Variants in PKD1L1 observed in about 807,000 individuals in gnomAD.
PKD1L1 encodes polycystin-1-like protein 1.
In PKD1L1, 236 loss-of-function variants were observed where a neutral mutation model predicts 323.4. The observed-to-expected ratio is 0.73, with a 90% CI of 0.66 to 0.81. The LOEUF (loss-of-function observed/expected upper bound fraction) is 0.81, where lower values mean the gene tolerates loss of function less well. PKD1L1 is among the 40% of genes least tolerant of loss of function. The pLI is 0.00. For missense variants in PKD1L1, 3,320 were observed against 3,508.0 expected (o/e 0.95, Z 1.35); for synonymous variants, 1,344 against 1,335.0 (o/e 1.01, Z -0.15).
At chr7:47,826,260 G>A (rs900243853) in intron 45 of PKD1L1, among the ~76,000 whole-genome samples, 23 of 152,258 alleles carry the variant, frequency 1.5e-4, no homozygotes, top group African/African-American at 5.3e-4. Context: ...TGCCTTTGGA[G>A]GTGTGTGTGG....
rs1784706790 is a variant in PKD1L1 at position 47,803,304 on chromosome 7, G to A, written c.7868C>T (p.Thr2623Ile). 6.2e-7 allele frequency: 1 copy of A among 1,614,140 alleles called. No individual in the cohort carries two copies. Among genetic ancestry groups the A allele is most frequent in the Non-Finnish European group, 8.5e-7 (1 of 1,180,026 alleles). ...GCCAGGAAGATAGACGCATTTTAAT[G>A]TGAAGAGGAATAAGAGGATTCCCCG... ...WLRGILLFLF[T>I]LKCVYLPGIQ... The change falls in exon 53 of 57, where the codon ACA (threonine) becomes ATA (isoleucine). Residue 2623 changes from threonine (T) to isoleucine (I), a missense_variant. Physicochemically the swap from Thr to Ile is moderately conservative, Grantham distance 89 (BLOSUM62 -1). Coordinates refer to ENST00000289672, the MANE Select transcript of PKD1L1 (RefSeq NM_138295.5).
In PKD1L1 at chr7:47,827,430, C is replaced by T. The variant is rs1228111037; in HGVS notation, c.6774G>A (p.Trp2258Ter). 6 of 1,612,770 alleles carry T rather than the reference C, an allele frequency of 3.7e-6. No homozygotes were observed. Among genetic ancestry groups the T allele is most frequent in the Non-Finnish European group, 4.2e-6 (5 of 1,179,784 alleles). Reference sequence around the variant, plus strand: ...GCTGGGCCTTGGATGGTGGATGCGCCCAGCGCAGGTGGCGAGCTTGTTGTC... The same window carrying T: ...GCTGGGCCTTGGATGGTGGATGCGCTCAGCGCAGGTGGCGAGCTTGTTGTC... The part of the protein sequence containing the change: ...AARQQARHLR[W>*]AHPPSKAQLR... Residue 2258 changes from tryptophan to a stop codon, truncating the protein, a stop_gained, in exon 45 of 57, where the codon TGG becomes TGA. Coordinates refer to ENST00000289672, the MANE Select transcript of PKD1L1 (RefSeq NM_138295.5). LOFTEE classifies it high-confidence loss of function.
chr7:47,931,878 A>C, intron 5 of PKD1L1, 58 bp downstream of exon 5: 1 of 1,573,290 alleles, frequency 6.4e-7, no homozygotes, highest in Non-Finnish European at 8.7e-7. Context: ...CCCCATATGC[A>C]TCAGATGCTC....
At chr7:47,816,017 C>T (rs1011350611) in intron 46 of PKD1L1, among the ~76,000 whole-genome samples, 1 of 152,180 alleles carries the variant, frequency 6.6e-6, no homozygotes, top group Non-Finnish European at 1.5e-5. Flanking sequence ...ACGGCGAGGG[C>T]TTCCGCAAGC....
chr7:47,880,247 GATATATATATATATATACATAT>G lies in PKD1L1; in HGVS notation c.3520+459_3520+480del, dbSNP rs1367825985. 1.6e-3 allele frequency among the ~76,000 whole-genome samples: 159 copies of G among 98,056 alleles called. 1 individual carries two copies. Among genetic ancestry groups the G allele is most frequent in the East Asian group, 3.1e-3 (13 of 4,150 alleles). 64.3% of individuals were successfully genotyped at this position (98,056 alleles called of 152,430 possible). ...TTGTGCAGTTGTCTAGCATAAATAA[GATATATATATATATATACATAT>G]ATATATATATATATATTTTTTTTTT... On this transcript the variant is annotated intron_variant, in intron 21 of 56. Coordinates refer to ENST00000289672, the MANE Select transcript of PKD1L1 (RefSeq NM_138295.5).
chr7:47,905,331 G>T lies in PKD1L1; in HGVS notation c.1523-6C>A. On this transcript the variant is annotated splice_region_variant and splice_polypyrimidine_tract_variant and intron_variant, in intron 10 of 56. Transcript: ENST00000289672. ...ATTTGTGTAGACAGAGACGGCTGTG[G>T]CAAAAGAAAGGAAGGTATGTCTATG... 6.2e-7 allele frequency: 1 copy of T among 1,612,886 alleles called. No individual in the cohort carries two copies.
intron 56 of PKD1L1, among the ~76,000 whole-genome samples, chr7:47,782,003 T>C (rs945281984): frequency 6.6e-6 from 1 of 152,226 alleles, no homozygotes; most frequent in African/African-American, 2.4e-5. Context: ...GGGATCTCTA[T>C]TCCTGGGATC....
chr7:47,786,077 T>G (rs1267671897), intron 56 of PKD1L1, among the ~76,000 whole-genome samples: 1 of 152,186 alleles, frequency 6.6e-6, no homozygotes, highest in Non-Finnish European at 1.5e-5. Context: ...CTAGCCTGTT[T>G]CTTCCTCAAG....
rs574405708 is a variant in PKD1L1, at chr7:47,781,419, T to G, written c.8527-6253A>C. 2.1e-3 allele frequency among the ~76,000 whole-genome samples: 292 copies of G among 138,844 alleles called. 3 individuals are homozygous for G. The Middle Eastern group carries it at 0.051, about 24-fold the overall frequency. The allele number at this position is 138,844 out of a possible 152,430, so 91.1% of individuals were successfully genotyped here. On this transcript the variant is annotated intron_variant, in intron 56 of 56. Coordinates refer to ENST00000289672, the MANE Select transcript of PKD1L1 (RefSeq NM_138295.5). ...TTTTTGTTTTGTTTTGTTTTTTTTT[T>G]TTTTTTTGAGACAGAGTCTCACTCT...
At chr7:47,813,446 C>A (rs771404180) in intron 48 of PKD1L1, 153 bp from the exon 49 acceptor site, 1 of 853,028 alleles carries the variant, frequency 1.2e-6, no homozygotes, top group Non-Finnish European at 1.9e-6. Flanking sequence ...CAGCCTGTTT[C>A]GTGGTCTACA....
the PKD1L1 span, among the ~76,000 whole-genome samples, chr7:47,959,537 G>A: frequency 2.8e-5 from 4 of 144,520 alleles, no homozygotes; most frequent in South Asian, 2.2e-4. Flanking sequence ...GGTGAGGAGC[G>A]TCTCTGCCCA....
intron 15 of PKD1L1, among the ~76,000 whole-genome samples, chr7:47,892,801 C>T (rs752513273): frequency 1.3e-5 from 2 of 151,814 alleles, no homozygotes; most frequent in Non-Finnish European, 2.9e-5. Flanking sequence ...GGAGATCTTA[C>T]GGAGATGAGC....
intron 3 of PKD1L1, among the ~76,000 whole-genome samples, chr7:47,939,033 T>C (rs1787931261): frequency 1.3e-5 from 2 of 152,242 alleles, no homozygotes; most frequent in Admixed American, 1.3e-4. Flanking sequence ...TGTATGTGGC[T>C]ATTTACATTG....
rs1784962673 is a variant in PKD1L1, at chr7:47,814,030, AG to A, written c.7090-17del. 6.2e-7 allele frequency: 1 copy of A among 1,608,826 alleles called. No individual in the cohort carries two copies. The highest frequency in any genetic ancestry group is 1.3e-5 in the African/African-American group (1 of 74,852). ...GAGCTCCAGGCTGAAAGGAGAAAAA[AG>A]ATGATGAGGACTGGGTGTGCTGTGG... On this transcript the variant is annotated splice_polypyrimidine_tract_variant and intron_variant, in intron 47 of 56. Coordinates refer to ENST00000289672, the MANE Select transcript of PKD1L1 (RefSeq NM_138295.5).
At chr7:47,830,694 A>G (rs1785329185) in intron 42 of PKD1L1, among the ~76,000 whole-genome samples, 1 of 151,856 alleles carries the variant, frequency 6.6e-6, no homozygotes. Context: ...CTTTGAGGCT[A>G]CTCTTTGTGG....
At chr7:47,802,629 C>A (rs1221343988) in intron 53 of PKD1L1, among the ~76,000 whole-genome samples, 1 of 152,228 alleles carries the variant, frequency 6.6e-6, no homozygotes. Context: ...GTACTAGGGC[C>A]TGTCAGGTTG....
In PKD1L1 at chr7:47,792,740, C is replaced by G. The variant is rs1451581187; in HGVS notation, c.8413G>C (p.Gly2805Arg). Residue 2805 changes from glycine (G) to arginine (R), a missense_variant, in exon 56 of 57, where the codon GGT becomes CGT. Coordinates refer to ENST00000289672, the MANE Select transcript of PKD1L1 (RefSeq NM_138295.5). ...GGGAGTTGTAGGCTGTCGGACAAAC[C>G]ATTAATCTTCATCAGAAGTTCGTCT... ...LLDELLMKIN[G>R]LSDSLQLPLL... The G allele has an allele frequency of 2.5e-6, 4 of 1,613,996 alleles. No homozygotes were observed. Among genetic ancestry groups the G allele is most frequent in the East Asian group, 4.5e-5 (2 of 44,870 alleles).
At chr7:47,821,849 T>G (rs879917216) in intron 45 of PKD1L1, among the ~76,000 whole-genome samples, 4 of 151,912 alleles carry the variant, frequency 2.6e-5, no homozygotes, top group Non-Finnish European at 4.4e-5. Context: ...CACCACGCCA[T>G]GCTAATTTTT....
rs376871292 is a variant in PKD1L1 at position 47,823,771 on chromosome 7, T to A, written c.6855-2585A>T. On this transcript the variant is annotated intron_variant, in intron 45 of 56. Coordinates refer to ENST00000289672, the MANE Select transcript of PKD1L1 (RefSeq NM_138295.5). ...CTGGTCCCCATTCATTAGCTGGAATTCCTCTCTAAAGAGAAATATCCCCCC... is the reference window on the plus strand; with the variant it reads ...CTGGTCCCCATTCATTAGCTGGAATACCTCTCTAAAGAGAAATATCCCCCC... 2.8e-4 allele frequency among the ~76,000 whole-genome samples: 42 copies of A among 152,324 alleles called. No homozygotes were observed. The East Asian group carries it at 5.0e-3, about 18-fold the overall frequency.
Sources: allele counts gnomAD v4.1 joint callset (sites outside exome capture counted in the v4.1 genomes callset), GRCh38; gene constraint gnomAD v4.1.1; transcripts MANE v1.5; gene names NCBI Gene and HGNC (gene_info 2026-07-23, HGNC 2026-07-21).